SORCS2: variants seen among roughly 807,000 people sequenced by gnomAD.
The protein encoded by SORCS2 is VPS10 domain-containing receptor SorCS2.
In SORCS2, 100 loss-of-function variants were observed where a neutral mutation model predicts 141.6. That is an observed-to-expected ratio of 0.71 (90% CI 0.60 to 0.83). SORCS2 has a LOEUF of 0.83. SORCS2 is among the 40% of genes least tolerant of loss of function. SORCS2 has a pLI of 0.00. For synonymous variants in SORCS2, 789 were observed against 676.9 expected (o/e 1.17, Z -2.57); for missense variants, 1,646 against 1,560.2 (o/e 1.05, Z -0.93).
chr4:7,679,258 G>A (rs548714714), intron 9 of SORCS2, among the ~76,000 whole-genome samples: 7 of 152,302 alleles, frequency 4.6e-5, no homozygotes, highest in African/African-American at 1.7e-4. Flanking sequence ...CTCTTTTGCT[G>A]GAGCTTGGGT....
intron 19 of SORCS2, among the ~76,000 whole-genome samples, chr4:7,724,242 T>TG (rs1159793886): frequency 6.7e-6 from 1 of 149,688 alleles, no homozygotes; most frequent in Non-Finnish European, 1.5e-5. Flanking sequence ...GTAGTGATGA[T>TG]GGTGACGTTG....
At chr4:7,573,265 C>G (rs1715515347) in intron 3 of SORCS2, among the ~76,000 whole-genome samples, 1 of 152,182 alleles carries the variant, frequency 6.6e-6, no homozygotes, top group African/African-American at 2.4e-5. Flanking sequence ...CAACTCATTT[C>G]AAAAGTCTCC....
chr4:7,570,851 G>A (rs1715343104), intron 3 of SORCS2, among the ~76,000 whole-genome samples: 1 of 152,204 alleles, frequency 6.6e-6, no homozygotes, highest in South Asian at 2.1e-4. Context: ...GAGGGTGACA[G>A]CTATGAATTT....
At chr4:7,719,402 TG>T (rs889388320) in intron 18 of SORCS2, among the ~76,000 whole-genome samples, 1 of 152,078 alleles carries the variant, frequency 6.6e-6, no homozygotes, top group African/African-American at 2.4e-5. Flanking sequence ...GCTTTATAGC[TG>T]GGGAAACTGA....
chr4:7,468,405 G>C (rs1352662894), intron 2 of SORCS2, among the ~76,000 whole-genome samples: 1 of 152,212 alleles, frequency 6.6e-6, no homozygotes, highest in Non-Finnish European at 1.5e-5. Flanking sequence ...CATGGGATCA[G>C]CCCAGGGCCT....
chr4:7,404,792 C>T (rs999267383), intron 2 of SORCS2, among the ~76,000 whole-genome samples: 1 of 152,038 alleles, frequency 6.6e-6, no homozygotes, highest in Non-Finnish European at 1.5e-5. Context: ...TATTTTCTCC[C>T]GTTGTGTAGG....
At chr4:7,511,528 CAG>C (rs1732653126) in intron 2 of SORCS2, among the ~76,000 whole-genome samples, 1 of 151,572 alleles carries the variant, frequency 6.6e-6, no homozygotes, top group Non-Finnish European at 1.5e-5. Flanking sequence ...GACAGAGCAA[CAG>C]AGAGACAGAG....
At chr4:7,373,479 T>TATATATATATATATA (rs60434529) in intron 1 of SORCS2, among the ~76,000 whole-genome samples, 26 of 15,488 alleles carry the variant, frequency 1.7e-3, no homozygotes, top group South Asian at 3.9e-3. Context: ...TATATATATA[T>TATATATATATATATA]TTTTTTTTTT....
intron 2 of SORCS2, among the ~76,000 whole-genome samples, chr4:7,421,312 T>C (rs1199652206): frequency 6.6e-6 from 1 of 152,160 alleles, no homozygotes; most frequent in Non-Finnish European, 1.5e-5. Flanking sequence ...AGGGATTGCA[T>C]GAGAGGTGGC....
intron 2 of SORCS2, among the ~76,000 whole-genome samples, chr4:7,472,304 G>A (rs1018389807): frequency 5.9e-5 from 9 of 152,218 alleles, no homozygotes; most frequent in African/African-American, 2.2e-4. Flanking sequence ...ATGATTCAGG[G>A]CAGGCTTCTA....
At chr4:7,602,445 G>A (rs180901976) in intron 3 of SORCS2, among the ~76,000 whole-genome samples, 13 of 151,284 alleles carry the variant, frequency 8.6e-5, no homozygotes, top group East Asian at 2.0e-4. Context: ...ACAGGGTCGC[G>A]GCCAGGCAGA....
intron 1 of SORCS2, among the ~76,000 whole-genome samples, chr4:7,246,698 A>G (rs1283542458): frequency 6.6e-6 from 1 of 152,096 alleles, no homozygotes; most frequent in Admixed American, 6.5e-5. Context: ...ATCTGGAGGG[A>G]GATGGGGCTG....
chr4:7,434,739 C>T (rs745544919), intron 2 of SORCS2: 1 of 1,613,060 alleles, frequency 6.2e-7, no homozygotes, highest in Non-Finnish European at 8.5e-7. Context: ...CTTGGCAGTA[C>T]CCCACAGCCC....
chr4:7,486,432 G>A lies in SORCS2; in HGVS notation c.549-45098G>A, dbSNP rs116658113. ...CTCCACGACCCCCTGGCCCTGGACA[G>A]GGTCACTGGGCCTGAGTCCCGTGTC... On this transcript the variant is annotated intron_variant, in intron 2 of 26. Coordinates refer to ENST00000507866, the MANE Select transcript of SORCS2 (RefSeq NM_020777.3). Among the ~76,000 whole-genome samples the A allele has an allele frequency of 3.9e-3, 536 of 137,446 alleles. 5 individuals carry two copies. The highest frequency in any genetic ancestry group is 0.013 in the African/African-American group (478 of 37,086). 90.2% of individuals were successfully genotyped at this position (137,446 alleles called of 152,430 possible).
rs1722996390 is a variant in SORCS2 at position 7,674,593 on chromosome 4, A to AT, written c.1162-1457_1162-1456insT. Among the ~76,000 whole-genome samples, 3 of 148,024 alleles carry AT rather than the reference A, an allele frequency of 2.0e-5. No individual in the cohort carries two copies. The South Asian group carries it at 6.4e-4, about 32-fold the overall frequency. ...TGTCTCAAAATAAAAAAAAAAAAAA[A>AT]AAAAAAAAAAAAGCAACCCTCTCCT... is the stretch of plus-strand genomic sequence containing the variant. On this transcript the variant is annotated intron_variant, in intron 8 of 26. Transcript: ENST00000507866.
chr4:7,202,486 C>T (rs79622371), intron 1 of SORCS2, among the ~76,000 whole-genome samples: 481 of 152,334 alleles, frequency 3.2e-3, no homozygotes, highest in African/African-American at 0.01. Context: ...TTAGTTTCTT[C>T]TCACACCAGC....
At chr4:7,250,483 CATTTT>C (rs542904366) in intron 1 of SORCS2, among the ~76,000 whole-genome samples, 140 of 152,328 alleles carry the variant, frequency 9.2e-4, no homozygotes, top group African/African-American at 3.3e-3. Flanking sequence ...AAACAACATG[CATTTT>C]TGTATGTTTC....
At chr4:7,657,115 A>C (rs912334655) in intron 5 of SORCS2, among the ~76,000 whole-genome samples, 96 of 152,352 alleles carry the variant, frequency 6.3e-4, no homozygotes, top group African/African-American at 2.3e-3. Context: ...TGGAGCAGGC[A>C]CCAGGCCTCA....
At chr4:7,323,353 C>A (rs2108949119) in intron 1 of SORCS2, among the ~76,000 whole-genome samples, 1 of 152,300 alleles carries the variant, frequency 6.6e-6, no homozygotes, top group African/African-American at 2.4e-5. Context: ...AGAATCATGG[C>A]TTTCTGTGGA....
Sources: allele counts gnomAD v4.1 joint callset (sites outside exome capture counted in the v4.1 genomes callset), GRCh38; gene constraint gnomAD v4.1.1; transcripts MANE v1.5; gene names NCBI Gene and HGNC (gene_info 2026-07-23, HGNC 2026-07-21).